Variants in MID2 observed in about 807,000 individuals in gnomAD.
The protein encoded by MID2 is probable E3 ubiquitin-protein ligase MID2.
A neutral mutation model predicts 46.1 loss-of-function variants in MID2; 13 were observed. The ratio of observed to expected loss-of-function variants is 0.28; its 90% CI spans 0.18 to 0.45. MID2 has a LOEUF of 0.45. Among genes scored for constraint, MID2 ranks in the 20% least tolerant of loss-of-function variants. The probability of loss-of-function intolerance (pLI) is 1.00; values close to 1 mark genes in which losing one functional copy is unlikely to be tolerated. For synonymous variants in MID2, 199 were observed against 212.3 expected, an observed-to-expected ratio of 0.94 and a Z score of 0.55; for missense variants, 431 against 575.4, an observed-to-expected ratio of 0.75 and a Z score of 2.57.
chrX:107,838,298 T>C (rs2147824102), intron 1 of MID2, among the ~76,000 whole-genome samples: 1 of 112,399 alleles, frequency 8.9e-6, no homozygotes, highest in African/African-American at 3.2e-5. Context: ...ATTCCTGCTG[T>C]CAGTGGAAGT....
At chrX:107,839,521 G>A (rs1931285971) in intron 1 of MID2, among the ~76,000 whole-genome samples, 1 of 110,134 alleles carries the variant, frequency 9.1e-6, no homozygotes, top group Non-Finnish European at 1.9e-5. Flanking sequence ...ACAGGCAAGC[G>A]CCACCACGCC....
intron 3 of MID2, among the ~76,000 whole-genome samples, chrX:107,900,699 TAA>T (rs1932788682): frequency 8.9e-6 from 1 of 112,471 alleles, no homozygotes; most frequent in African/African-American, 3.2e-5. Flanking sequence ...CTTTTTAATC[TAA>T]GTCTTATTCC....
At chrX:107,926,066 C>CTTT in intron 8 of MID2, 28 bp from the exon 9 acceptor site, 1 of 858,245 alleles carries the variant, frequency 1.2e-6, no homozygotes, top group South Asian at 2.5e-5. Flanking sequence ...AGTGCTTTTT[C>CTTT]TTTTTTTTTT....
chrX:107,904,098 G>T (rs762780031), intron 4 of MID2, 33 bp downstream of exon 4: 20 of 953,864 alleles, frequency 2.1e-5, no homozygotes, highest in Non-Finnish European at 3.0e-5. Flanking sequence ...ATCCAAGGAA[G>T]GGTTGACTTT....
At chrX:107,917,472 C>T (rs1932990209) in intron 6 of MID2, 34 bp from the exon 7 acceptor site, 15 of 1,048,025 alleles carry the variant, frequency 1.4e-5, no homozygotes, top group Non-Finnish European at 2.0e-5. Flanking sequence ...AGAAAGTATG[C>T]TTTCCTTACT....
At position 107,909,642 on chromosome X, in the gene MID2, C is replaced by T. The variant is rs140185703; in HGVS notation, c.1073+4016C>T. Among the ~76,000 whole-genome samples the T allele has an allele frequency of 2.4e-4, 27 of 111,890 alleles. No homozygotes were observed. The East Asian group carries it at 7.0e-3, about 29-fold the overall frequency. On this transcript the variant is annotated intron_variant, in intron 5 of 9. Transcript: ENST00000262843. ...GATTCCCTTAAGCTTTTCAAACAAA[C>T]GCTCCTGTAGTTTCTTAAGAAAGAG...
intron 7 of MID2, among the ~76,000 whole-genome samples, chrX:107,923,209 G>T (rs954013140): frequency 1.8e-5 from 2 of 111,882 alleles, no homozygotes; most frequent in African/African-American, 6.5e-5. Context: ...TACTAGAGTT[G>T]CATAGAAATG....
At chrX:107,881,583 T>G (rs1932319782) in intron 3 of MID2, among the ~76,000 whole-genome samples, 1 of 112,384 alleles carries the variant, frequency 8.9e-6, no homozygotes, top group Non-Finnish European at 1.9e-5. Flanking sequence ...TGTACAGGGA[T>G]CTGCCTTTTC....
intron 1 of MID2, 91 bp from the exon 2 acceptor site, chrX:107,840,579 A>G: frequency 2.8e-6 from 2 of 710,886 alleles, no homozygotes; most frequent in Non-Finnish European, 4.2e-6. Context: ...GGAATCCAGC[A>G]CGTAAACGCG....
At chrX:107,906,563 A>G (rs1320764201) in intron 5 of MID2, among the ~76,000 whole-genome samples, 2 of 111,560 alleles carry the variant, frequency 1.8e-5, no homozygotes, top group African/African-American at 6.5e-5. Context: ...TATACCCTCT[A>G]CTTAACAACT....
At chrX:107,825,822 G>A (rs888705610), upstream of MID2, 1 of 220,283 alleles carries the variant, frequency 4.5e-6, no homozygotes, top group African/African-American at 2.9e-5. Flanking sequence ...AGTAACCCGA[G>A]CCCCACCCAC....
intron 3 of MID2, among the ~76,000 whole-genome samples, chrX:107,892,598 C>T (rs1436698716): frequency 2.7e-5 from 3 of 111,693 alleles, no homozygotes; most frequent in Middle Eastern, 4.6e-3. Context: ...CCTGTCATGT[C>T]ACTCCCTACC....
At position 107,926,155 on chromosome X, in the gene MID2, A is replaced by C. The variant is rs768315264; in HGVS notation, c.1659A>C (p.Gly553=). The part of the protein sequence containing the change: ...THKKLKISND[G]LQMEKDESSL... ...AGAAGTTGAAGATCTCCAATGATGG[A>C]TTGCAGATGGAGAAGGATGAAAGCT... The change falls in exon 9 of 10, where the codon GGA becomes GGC. Residue 553 remains glycine, a synonymous_variant. Coordinates refer to ENST00000262843, the MANE Select transcript of MID2 (RefSeq NM_012216.4). The C allele has an allele frequency of 2.0e-5, 24 of 1,208,411 alleles. No individual in the cohort carries two copies. The highest frequency in any genetic ancestry group is 2.1e-5 in the Non-Finnish European group (19 of 893,396).
At chrX:107,828,211 G>C in intron 1 of MID2, among the ~76,000 whole-genome samples, 1 of 110,778 alleles carries the variant, frequency 9.0e-6, no homozygotes, top group Non-Finnish European at 1.9e-5. Flanking sequence ...AGCTTCCTGA[G>C]TCCTCCCTAG....
chrX:107,879,170 T>C (rs1470277590), intron 3 of MID2, among the ~76,000 whole-genome samples: 1 of 111,759 alleles, frequency 8.9e-6, no homozygotes. Flanking sequence ...CTTTCAGCTT[T>C]GCCATCCACA....
rs61105394 is a variant in MID2 at position 107,885,391 on chromosome X, G to A, written c.817-18567G>A. On this transcript the variant is annotated intron_variant, in intron 3 of 9. Transcript: ENST00000262843. Reference sequence around the variant, plus strand: ...GCGGTGTTTGGTTTTTTGTCTTTGCGATAGTTTGCTGAGAATGATGGTTTC... The same window carrying A: ...GCGGTGTTTGGTTTTTTGTCTTTGCAATAGTTTGCTGAGAATGATGGTTTC... Among the ~76,000 whole-genome samples the A allele has an allele frequency of 4.2e-3, 454 of 107,489 alleles. 2 individuals carry two copies. The highest frequency in any genetic ancestry group is 0.015 in the African/African-American group (431 of 29,355). The allele number at this position is 107,489 out of a possible 115,157, so 93.3% of individuals were successfully genotyped here. A position where few individuals can be genotyped will look rare whatever the true frequency, so the allele number is the denominator to read the frequency against.
At chrX:107,861,678 A>T (rs971253279) in intron 3 of MID2, among the ~76,000 whole-genome samples, 4 of 112,684 alleles carry the variant, frequency 3.5e-5, no homozygotes, top group Admixed American at 2.8e-4. Flanking sequence ...TTGATCACGA[A>T]GGTGAAGCAA....
chrX:107,889,752 C>T (rs1018225254), intron 3 of MID2, among the ~76,000 whole-genome samples: 18 of 112,220 alleles, frequency 1.6e-4, no homozygotes, highest in Non-Finnish European at 3.2e-4. Context: ...CTTTCAGGTA[C>T]ACCAATCAGA....
intron 7 of MID2, among the ~76,000 whole-genome samples, chrX:107,920,379 G>T (rs1001030837): frequency 5.4e-5 from 6 of 112,125 alleles, no homozygotes; most frequent in Non-Finnish European, 1.1e-4. Flanking sequence ...GCTGTGAGGT[G>T]AATGAGAATT....
Sources: gnomAD v4.1 joint callset for allele counts (sites outside exome capture counted in the v4.1 genomes callset) on GRCh38, gnomAD v4.1.1 for gene constraint, MANE v1.5 for transcripts, NCBI Gene and HGNC (gene_info 2026-07-23, HGNC 2026-07-21) for gene names.